The following SVEP1 variants were observed in gnomAD, a reference collection of about 807,000 sequenced individuals.
SVEP1 encodes the protein sushi, von Willebrand factor type A, EGF and pentraxin domain containing 1.
SVEP1 carries 164 observed loss-of-function variants against 367.3 expected under a neutral mutation model. That is an observed-to-expected ratio of 0.45 (90% CI 0.39 to 0.51). SVEP1 has a LOEUF of 0.51. SVEP1 is among the 20% of genes least tolerant of loss of function. The pLI is 0.00. For synonymous variants in SVEP1, 1,666 were observed against 1,611.6 expected, an observed-to-expected ratio of 1.03 and a Z score of -0.81; for missense variants, 4,117 against 4,425.3, an observed-to-expected ratio of 0.93 and a Z score of 1.98.
chr9:110,401,125 C>A (rs1827854406), intron 39 of SVEP1, 116 bp from the exon 40 acceptor site: 3 of 1,289,102 alleles, frequency 2.3e-6, no homozygotes, highest in East Asian at 4.9e-5. Context: ...TCAAAAGCAC[C>A]CAGGGTTTGG....
At position 110,550,009 on chromosome 9, in the gene SVEP1, C is replaced by G; in HGVS notation, c.627G>C (p.Ala209=). ...SNGGDPRPIA[A]SLRDSGVEIF... The stretch of plus-strand genomic sequence containing the variant: ...TCTCCACTCCTGAATCTCGCAGTGA[C>G]GCTGCAATTGGTCTAGGGTCTCCCC... The change falls in exon 2 of 48, where the codon GCG becomes GCC. Residue 209 remains alanine, a synonymous_variant. Coordinates refer to ENST00000374469, the MANE Select transcript of SVEP1 (RefSeq NM_153366.4). 2 of 1,613,722 alleles carry G rather than the reference C, an allele frequency of 1.2e-6. No homozygotes were observed. The highest frequency in any genetic ancestry group is 1.7e-6 in the Non-Finnish European group (2 of 1,179,828).
At chr9:110,530,701 T>A (rs1346852904) in intron 3 of SVEP1, among the ~76,000 whole-genome samples, 1 of 151,998 alleles carries the variant, frequency 6.6e-6, no homozygotes, top group African/African-American at 2.4e-5. Flanking sequence ...AGTGACCAGC[T>A]AATTTTTGTA....
chr9:110,506,836 T>C (rs1230931635), intron 5 of SVEP1, among the ~76,000 whole-genome samples: 1 of 148,430 alleles, frequency 6.7e-6, no homozygotes, highest in Non-Finnish European at 1.5e-5. Flanking sequence ...GAAACATAGG[T>C]GGAGGAGATG....
chr9:110,574,625 A>G (rs1830603322), intron 1 of SVEP1, among the ~76,000 whole-genome samples: 1 of 151,952 alleles, frequency 6.6e-6, no homozygotes, highest in African/African-American at 2.4e-5. Context: ...TCTTCTACCA[A>G]TTTTCTCTAA....
At position 110,514,323 on chromosome 9, in the gene SVEP1, C is replaced by A. The variant is rs62573124; in HGVS notation, c.965-217G>T. Among the ~76,000 whole-genome samples the A allele has an allele frequency of 0.028, 4,243 of 151,720 alleles. 71 individuals are homozygous for A. Among genetic ancestry groups the A allele is most frequent in the Middle Eastern group, 0.068 (20 of 292 alleles). On this transcript the variant is annotated intron_variant, in intron 3 of 47. Coordinates refer to ENST00000374469, the MANE Select transcript of SVEP1 (RefSeq NM_153366.4). ...GGTCAGGAGTTTGAGACCAGCCTGGCCAACATGATGAAACCCTGTCTCTAC... is the reference window on the plus strand; with the variant it reads ...GGTCAGGAGTTTGAGACCAGCCTGGACAACATGATGAAACCCTGTCTCTAC...
rs1290771495 is a variant in SVEP1 at position 110,445,796 on chromosome 9, G to T, written c.4463+41C>A. The T allele has an allele frequency of 1.4e-5, 23 of 1,607,220 alleles. No homozygotes were observed. In the Admixed American group the frequency reaches 2.8e-4, roughly 20 times the overall value. On this transcript the variant is annotated intron_variant, in intron 26 of 47. Coordinates refer to ENST00000374469, the MANE Select transcript of SVEP1 (RefSeq NM_153366.4). ...AATGTCAGTTCTAATTCGGTTCCAA[G>T]ATAAGATCTTAAGCATAGCCTTCCC...
intron 15 of SVEP1, 89 bp from the exon 16 acceptor site, chr9:110,471,686 TA>T: frequency 2.2e-6 from 2 of 908,442 alleles, no homozygotes; most frequent in South Asian, 3.5e-5. Flanking sequence ...CAGAAATACT[TA>T]AAATCTTTTA....
rs1827198208 is a variant in SVEP1, at chr9:110,366,338, T to TA, written c.*200dup. On this transcript the variant is annotated 3_prime_UTR_variant, in exon 48 of 48. Coordinates refer to ENST00000374469, the MANE Select transcript of SVEP1 (RefSeq NM_153366.4). ...TTTATATAGAAAATACAGGCATATT[T>TA]AAAAATGGAAACATGTAAGAAAGTA... is the stretch of plus-strand genomic sequence containing the variant. The TA allele has an allele frequency of 2.3e-6, 1 of 429,452 alleles. No individual in the cohort carries two copies. Among genetic ancestry groups the TA allele is most frequent in the African/African-American group, 2.0e-5 (1 of 49,284 alleles). The allele number at this position is 429,452 out of a possible 1,614,324, so 26.6% of individuals were successfully genotyped here. A position where few individuals can be genotyped will look rare whatever the true frequency, so the allele number is the denominator to read the frequency against.
intron 3 of SVEP1, among the ~76,000 whole-genome samples, chr9:110,535,084 C>T (rs918066916): frequency 6.6e-6 from 1 of 151,918 alleles, no homozygotes; most frequent in Non-Finnish European, 1.5e-5. Context: ...TGTCATAAAA[C>T]CTTTGCCCAT....
At chr9:110,552,406 T>G (rs1271224352) in intron 1 of SVEP1, among the ~76,000 whole-genome samples, 1 of 152,158 alleles carries the variant, frequency 6.6e-6, no homozygotes, top group Non-Finnish European at 1.5e-5. Context: ...AATTTTTCCA[T>G]GGAGTGGAAT....
chr9:110,398,292 T>C lies in SVEP1; in HGVS notation c.9822+2562A>G, dbSNP rs145917797. Among the ~76,000 whole-genome samples, 1,162 of 152,256 alleles carry C rather than the reference T, an allele frequency of 7.6e-3. 11 individuals carry two copies. Among genetic ancestry groups the C allele is most frequent in the Non-Finnish European group, 9.1e-3 (616 of 68,008 alleles). On this transcript the variant is annotated intron_variant, in intron 40 of 47. Transcript: ENST00000374469. ...GTTGGGAAAACTGGCTAGCCATATG[T>C]AGAAAGCTGAAACTGGATCCCTTCC...
At chr9:110,571,615 A>C (rs1830563588) in intron 1 of SVEP1, among the ~76,000 whole-genome samples, 1 of 152,218 alleles carries the variant, frequency 6.6e-6, no homozygotes, top group Non-Finnish European at 1.5e-5. Context: ...ATAAATGTCC[A>C]TCATGTTTAA....
At chr9:110,444,966 C>T (rs937741878) in intron 26 of SVEP1, among the ~76,000 whole-genome samples, 5 of 151,876 alleles carry the variant, frequency 3.3e-5, no homozygotes, top group Admixed American at 2.6e-4. Context: ...AGTGAGATTC[C>T]CTTGGATTGG....
In SVEP1 at chr9:110,471,496, T is replaced by C. The variant is rs751519941; in HGVS notation, c.2866A>G (p.Thr956Ala). The C allele has an allele frequency of 6.2e-7, 1 of 1,613,910 alleles. No individual in the cohort carries two copies. Among genetic ancestry groups the C allele is most frequent in the Admixed American group, 1.7e-5 (1 of 60,006 alleles). The stretch of plus-strand genomic sequence containing the variant: ...GAATACATGGGGTCTTTGTTGAGAG[T>C]CCTTTTCAGTTTATTTGTGATAGTT... ...LETITNKLKR[T>A]LNKDPMYSFQ... The change falls in exon 16 of 48, where the codon ACT becomes GCT. Residue 956 changes from threonine to alanine, a missense_variant. Thr to Ala is a moderately conservative substitution (Grantham distance 58). This residue lies in a region of SVEP1 where 2,174 missense variants were observed against 2,494.3 expected (regional missense o/e 0.87). Transcript: ENST00000374469.
chr9:110,368,878 ATTT>A (rs149782474), intron 47 of SVEP1, among the ~76,000 whole-genome samples: 2,623 of 152,230 alleles, frequency 0.017, 27 homozygotes, highest in Non-Finnish European at 0.026. Context: ...CATTAGACAG[ATTT>A]TTTTGTTGTT....
chr9:110,503,007 A>C, intron 6 of SVEP1, 31 bp downstream of exon 6: 1 of 1,590,070 alleles, frequency 6.3e-7, no homozygotes, highest in South Asian at 1.2e-5. Context: ...GAAATGAATC[A>C]CTCAAGGCAT....
chr9:110,503,175 A>G lies in SVEP1; in HGVS notation c.1346T>C (p.Ile449Thr). 6.2e-7 allele frequency: 1 copy of G among 1,613,812 alleles called. No homozygotes were observed. Among genetic ancestry groups the G allele is most frequent in the Non-Finnish European group, 8.5e-7 (1 of 1,179,850 alleles). The change falls in exon 6 of 48, where the codon ATC (isoleucine) becomes ACC (threonine). Residue 449 changes from isoleucine (I) to threonine (T), a missense_variant. By Grantham distance (89) the Ile-to-Thr change is moderately conservative. Transcript: ENST00000374469. Reference sequence around the variant, plus strand: ...TAACATTTCCCTTGTAGAACAGCTGATGTGGCCATGTTTCGGCTGGCGGAG... The same window carrying G: ...TAACATTTCCCTTGTAGAACAGCTGGTGTGGCCATGTTTCGGCTGGCGGAG... ...PHLRQPKHGH[I>T]SCSTREMLYK...
At position 110,431,019 on chromosome 9, in the gene SVEP1, C is replaced by T. The variant is rs1043661401; in HGVS notation, c.5354-569G>A. Among the ~76,000 whole-genome samples, 6 of 152,088 alleles carry T rather than the reference C, an allele frequency of 3.9e-5. No homozygotes were observed. The South Asian group carries it at 1.0e-3, about 26-fold the overall frequency. On this transcript the variant is annotated intron_variant, in intron 32 of 47. Transcript: ENST00000374469. Reference sequence around the variant, plus strand: ...GAATATAATACTTGAATTCTCAAAACGGGAGGATATATTGCATCAATCTTT... The same window carrying T: ...GAATATAATACTTGAATTCTCAAAATGGGAGGATATATTGCATCAATCTTT...
At chr9:110,429,522 G>A (rs1314755935) in intron 34 of SVEP1, among the ~76,000 whole-genome samples, 188 bp from the exon 35 acceptor site, 1 of 151,638 alleles carries the variant, frequency 6.6e-6, no homozygotes, top group East Asian at 1.9e-4. Context: ...CTTCCCCATA[G>A]GGAAGTAGGA....
Sources: gnomAD v4.1 joint callset for allele counts (sites outside exome capture counted in the v4.1 genomes callset) on GRCh38, gnomAD v4.1.1 for gene constraint, gnomAD v4.1.1 regional missense constraint, MANE v1.5 for transcripts, NCBI Gene and HGNC (gene_info 2026-07-23, HGNC 2026-07-21) for gene names.